SEZ6L: variants seen among roughly 807,000 people sequenced by gnomAD.
SEZ6L encodes the protein seizure 6-like protein.
SEZ6L carries 37 observed loss-of-function variants against 106.2 expected under a neutral mutation model. The ratio of observed to expected loss-of-function variants is 0.35; its 90% CI spans 0.27 to 0.46. The LOEUF is 0.46. Ranked by LOEUF, SEZ6L falls within the 20% of genes least tolerant of loss-of-function variation. The pLI is 1.00. For synonymous variants in SEZ6L, 541 were observed against 570.4 expected (o/e 0.95, Z 0.73); for missense variants, 1,172 against 1,332.8 (o/e 0.88, Z 1.88).
At chr22:26,351,868 A>C (rs1442309375) in intron 12 of SEZ6L, among the ~76,000 whole-genome samples, 1 of 151,116 alleles carries the variant, frequency 6.6e-6, no homozygotes, top group Admixed American at 6.6e-5. Context: ...TTTTAAGAAG[A>C]GGATACTGTG....
chr22:26,328,340 G>A (rs2082383556), intron 9 of SEZ6L, among the ~76,000 whole-genome samples: 1 of 152,192 alleles, frequency 6.6e-6, no homozygotes, highest in African/African-American at 2.4e-5. Flanking sequence ...TGCTCTTGTA[G>A]TGGAATTCCT....
In SEZ6L at chr22:26,313,887, T is replaced by A; in HGVS notation, c.2000T>A (p.Phe667Tyr). 1 of 1,605,112 alleles carries A rather than the reference T, an allele frequency of 6.2e-7. No individual in the cohort carries two copies. Among genetic ancestry groups the A allele is most frequent in the Non-Finnish European group, 8.5e-7 (1 of 1,172,198 alleles). ...CACGTGGGAGAAGAGAAACGGATCTTCTTAGATATCCAGTTGTGAGTGTTT... is the reference window on the plus strand; with the variant it reads ...CACGTGGGAGAAGAGAAACGGATCTACTTAGATATCCAGTTGTGAGTGTTT... ...KIHVGEEKRI[F>Y]LDIQFLNLSN... Residue 667 changes from phenylalanine to tyrosine, a missense_variant, in exon 9 of 17, where the codon TTC becomes TAC. Around this residue, in one of 4 missense-constraint regions of SEZ6L, gnomAD observed 534 missense variants for 691.0 expected, o/e 0.77. Transcript: ENST00000248933.
At chr22:26,286,474 C>G (rs2080935832) in intron 1 of SEZ6L, among the ~76,000 whole-genome samples, 1 of 152,212 alleles carries the variant, frequency 6.6e-6, no homozygotes, top group South Asian at 2.1e-4. Context: ...CATCTTAGTG[C>G]CATTCTTCAA....
At chr22:26,373,024 T>A (rs1012222223) in intron 13 of SEZ6L, among the ~76,000 whole-genome samples, 1 of 152,164 alleles carries the variant, frequency 6.6e-6, no homozygotes, top group African/African-American at 2.4e-5. Context: ...CAGACTGAAA[T>A]CCTGCCTCCA....
intron 1 of SEZ6L, among the ~76,000 whole-genome samples, chr22:26,266,016 C>T (rs936099883): frequency 1.1e-4 from 17 of 152,168 alleles, no homozygotes; most frequent in African/African-American, 2.2e-4. Flanking sequence ...ATCACTGCCT[C>T]GCTGCCATCA....
intron 10 of SEZ6L, among the ~76,000 whole-genome samples, chr22:26,342,784 A>C (rs1450714161): frequency 6.6e-6 from 1 of 152,186 alleles, no homozygotes; most frequent in Non-Finnish European, 1.5e-5. Flanking sequence ...ATTTGCAAAA[A>C]CTGCAATTAC....
rs560530263 is a variant in SEZ6L, at chr22:26,281,954, A to G, written c.95-10452A>G. ...TTCATCATTCTCTTCTCTCAGCTGC[A>G]TGGCATTCCACCTGGATATTCTGTA... On this transcript the variant is annotated intron_variant, in intron 1 of 16. Transcript: ENST00000248933. Among the ~76,000 whole-genome samples, 5 of 152,306 alleles carry G rather than the reference A, an allele frequency of 3.3e-5. No homozygotes were observed. In the East Asian group the frequency reaches 7.7e-4, roughly 23 times the overall value.
chr22:26,363,328 C>T (rs781415551), intron 12 of SEZ6L, among the ~76,000 whole-genome samples: 1 of 152,168 alleles, frequency 6.6e-6, no homozygotes, highest in Non-Finnish European at 1.5e-5. Context: ...GTACTGTGTG[C>T]CTTGAACCAC....
intron 9 of SEZ6L, among the ~76,000 whole-genome samples, chr22:26,318,618 C>A (rs2082071900): frequency 6.6e-6 from 1 of 152,112 alleles, no homozygotes; most frequent in African/African-American, 2.4e-5. Flanking sequence ...ATTATTTGTT[C>A]TTTGGATTAA....
chr22:26,324,601 A>G (rs2082255030), intron 9 of SEZ6L, among the ~76,000 whole-genome samples: 1 of 152,194 alleles, frequency 6.6e-6, no homozygotes, highest in African/African-American at 2.4e-5. Context: ...GCCCTGGGAG[A>G]ATAGATTTCC....
chr22:26,259,877 T>A lies in SEZ6L; in HGVS notation c.95-32529T>A, dbSNP rs571382726. ...ATTTATGTGCTATTAAAGAAAAAAA[T>A]TGAGCCACGATTTAGGTGTGACTAT... is the stretch of plus-strand genomic sequence containing the variant. On this transcript the variant is annotated intron_variant, in intron 1 of 16. Coordinates refer to ENST00000248933, the MANE Select transcript of SEZ6L (RefSeq NM_021115.5). 4.6e-5 allele frequency among the ~76,000 whole-genome samples: 7 copies of A among 152,284 alleles called. No individual in the cohort carries two copies. In the South Asian group the frequency reaches 1.5e-3, roughly 32 times the overall value.
chr22:26,193,319 C>T (rs1940362426), intron 1 of SEZ6L, among the ~76,000 whole-genome samples: 1 of 152,002 alleles, frequency 6.6e-6, no homozygotes, highest in Non-Finnish European at 1.5e-5. Flanking sequence ...GAACTGGAGC[C>T]CTTGGTGAAT....
chr22:26,367,227 G>A (rs1470869302), intron 13 of SEZ6L, among the ~76,000 whole-genome samples: 2 of 152,042 alleles, frequency 1.3e-5, no homozygotes, highest in East Asian at 1.9e-4. Context: ...CAAGCGTCCC[G>A]TAGAACAGCC....
Position 26,202,745 on chromosome 22 carries a change from T to A in SEZ6L, c.94+32982T>A, listed in dbSNP as rs562236277. 5.3e-5 allele frequency among the ~76,000 whole-genome samples: 8 copies of A among 152,268 alleles called. No homozygotes were observed. In the East Asian group the frequency reaches 1.5e-3, roughly 29 times the overall value. On this transcript the variant is annotated intron_variant, in intron 1 of 16. Coordinates refer to ENST00000248933, the MANE Select transcript of SEZ6L (RefSeq NM_021115.5). ...CTATTCAATCACAACCACACAAAAA[T>A]AGAGGAAACCTTTAGAAGAATGATC... is the stretch of plus-strand genomic sequence containing the variant.
At position 26,301,096 on chromosome 22, in the gene SEZ6L, G is replaced by A. The variant is rs141136893; in HGVS notation, c.1348+1927G>A. Among the ~76,000 whole-genome samples the A allele has an allele frequency of 3.1e-4, 47 of 152,324 alleles. 1 individual carries two copies. Among genetic ancestry groups the A allele is most frequent in the Admixed American group, 4.6e-4 (7 of 15,310 alleles). ...TTTAATCCTCACAGCAATGCCATAG[G>A]ATGGGAGCCATTATCCCCATTTTGC... On this transcript the variant is annotated intron_variant, in intron 5 of 16. Transcript: ENST00000248933.
At chr22:26,249,885 C>A (rs570137894) in intron 1 of SEZ6L, among the ~76,000 whole-genome samples, 1 of 152,172 alleles carries the variant, frequency 6.6e-6, no homozygotes, top group South Asian at 2.1e-4. Flanking sequence ...GATAATATCT[C>A]ATTGTAGTTT....
intron 1 of SEZ6L, chr22:26,244,191 T>G (rs1304342463): frequency 7.7e-6 from 1 of 129,668 alleles, no homozygotes; most frequent in Non-Finnish European, 1.6e-5. Flanking sequence ...AAGAAAAGAG[T>G]AGAAAAATGA....
Position 26,200,403 on chromosome 22 carries a change from C to G in SEZ6L, c.94+30640C>G, listed in dbSNP as rs368617353. Among the ~76,000 whole-genome samples, 122 of 152,298 alleles carry G rather than the reference C, an allele frequency of 8.0e-4. 1 individual carries two copies. In the South Asian group the frequency reaches 0.024, roughly 31 times the overall value. On this transcript the variant is annotated intron_variant, in intron 1 of 16. Coordinates refer to ENST00000248933, the MANE Select transcript of SEZ6L (RefSeq NM_021115.5). ...GTTGGTGCAAGAGACACCGCTTCTG[C>G]TTTCAAGGGGTGCACAGGCTGACAG...
chr22:26,249,685 T>C (rs955672808), intron 1 of SEZ6L, among the ~76,000 whole-genome samples: 1 of 152,234 alleles, frequency 6.6e-6, no homozygotes, highest in African/African-American at 2.4e-5. Context: ...TTCCTTTGGA[T>C]ATATACCTGA....
Sources: gnomAD v4.1 joint callset for allele counts (sites outside exome capture counted in the v4.1 genomes callset) on GRCh38, gnomAD v4.1.1 for gene constraint, gnomAD v4.1.1 regional missense constraint, MANE v1.5 for transcripts, NCBI Gene and HGNC (gene_info 2026-07-23, HGNC 2026-07-21) for gene names.